Variants in METTL25 observed in about 807,000 individuals in gnomAD.
METTL25 encodes the protein probable methyltransferase-like protein 25.
In METTL25, 64 loss-of-function variants were observed where a neutral mutation model predicts 71.6. The observed-to-expected ratio is 0.89, with a 90% CI of 0.73 to 1.10. The LOEUF (loss-of-function observed/expected upper bound fraction) is 1.10, where lower values mean the gene tolerates loss of function less well. Ranked by LOEUF, METTL25 falls within the 50% of genes least tolerant of loss-of-function variation. The probability of loss-of-function intolerance (pLI) is 0.00; values close to 1 mark genes in which losing one functional copy is unlikely to be tolerated. For synonymous variants in METTL25, 287 were observed against 250.3 expected, an observed-to-expected ratio of 1.15 and a Z score of -1.38; for missense variants, 807 against 707.0, an observed-to-expected ratio of 1.14 and a Z score of -1.60.
At chr12:82,439,821 ATAT>A in intron 8 of METTL25, 5 of 950,016 alleles carry the variant, frequency 5.3e-6, no homozygotes, top group Non-Finnish European at 6.3e-6. Context: ...GTCAACTCAA[ATAT>A]TTACTACCTG....
intron 9 of METTL25, among the ~76,000 whole-genome samples, chr12:82,473,998 G>C (rs992678656): frequency 4.6e-5 from 7 of 152,166 alleles, no homozygotes; most frequent in Non-Finnish European, 1.0e-4. Flanking sequence ...CTGGTCTTAA[G>C]ATGGCTCTGT....
intron 7 of METTL25, chr12:82,438,503 T>G: frequency 2.9e-6 from 1 of 346,924 alleles, no homozygotes; most frequent in African/African-American, 2.1e-5. Context: ...ACTGTTTCTT[T>G]TATGGTTTCT....
intron 9 of METTL25, among the ~76,000 whole-genome samples, chr12:82,460,536 G>A (rs979926059): frequency 6.6e-6 from 1 of 152,152 alleles, no homozygotes; most frequent in African/African-American, 2.4e-5. Context: ...ATAAGGTGAG[G>A]AATATGTACT....
intron 1 of METTL25, among the ~76,000 whole-genome samples, chr12:82,383,345 T>C (rs1565813552): frequency 9.4e-5 from 2 of 21,316 alleles, no homozygotes; most frequent in Non-Finnish European, 4.2e-4. Flanking sequence ...CTGCTTGATT[T>C]TCTTTGTTTG....
chr12:82,453,843 G>C lies in METTL25; in HGVS notation c.1479-2884G>C, dbSNP rs576804812. Among the ~76,000 whole-genome samples, 43 of 152,024 alleles carry C rather than the reference G, an allele frequency of 2.8e-4. 1 individual carries two copies. Among genetic ancestry groups the C allele is most frequent in the South Asian group, 6.2e-4 (3 of 4,826 alleles). On this transcript the variant is annotated intron_variant, in intron 8 of 11. Transcript: ENST00000248306. ...ATTATTTATTTAATTCATTTATGGA[G>C]TTCCTGCTGTGTGAGGTACTATGCT...
intron 1 of METTL25, among the ~76,000 whole-genome samples, chr12:82,370,122 TA>T (rs1237749986): frequency 6.6e-6 from 1 of 152,030 alleles, no homozygotes; most frequent in Admixed American, 6.6e-5. Context: ...TCCTGCTGGA[TA>T]GGGGTGAAGA....
chr12:82,379,486 T>G (rs1884213370), intron 1 of METTL25, among the ~76,000 whole-genome samples: 1 of 149,420 alleles, frequency 6.7e-6, no homozygotes, highest in Non-Finnish European at 1.5e-5. Context: ...TAAATGAAGT[T>G]TAAAGTTTAT....
chr12:82,426,423 C>G (rs566688889), intron 5 of METTL25, among the ~76,000 whole-genome samples: 2 of 151,982 alleles, frequency 1.3e-5, no homozygotes, highest in Non-Finnish European at 1.5e-5. Flanking sequence ...AAACTGCAGT[C>G]GTATCTTAAA....
At chr12:82,428,139 C>T (rs564737065) in intron 5 of METTL25, among the ~76,000 whole-genome samples, 1 of 151,698 alleles carries the variant, frequency 6.6e-6, no homozygotes, top group South Asian at 2.1e-4. Flanking sequence ...AAAGAACATA[C>T]CCCCCCATCC....
chr12:82,444,416 G>A (rs978000597), intron 8 of METTL25, among the ~76,000 whole-genome samples: 5 of 152,098 alleles, frequency 3.3e-5, no homozygotes, highest in African/African-American at 9.7e-5. Flanking sequence ...TTCTTCAGTC[G>A]GAAAGAGAAG....
intron 3 of METTL25, among the ~76,000 whole-genome samples, chr12:82,393,775 T>C (rs1426374785): frequency 6.6e-6 from 1 of 151,966 alleles, no homozygotes. Flanking sequence ...TCTTTTCCTC[T>C]ATTAATTTTA....
chr12:82,457,098 A>C (rs922275445), intron 9 of METTL25, among the ~76,000 whole-genome samples: 1 of 152,024 alleles, frequency 6.6e-6, no homozygotes, highest in Non-Finnish European at 1.5e-5. Context: ...GCAGGACAAC[A>C]GTACAAGTGA....
At chr12:82,411,498 G>T (rs1314064046) in intron 5 of METTL25, among the ~76,000 whole-genome samples, 3 of 151,640 alleles carry the variant, frequency 2.0e-5, no homozygotes, top group Non-Finnish European at 4.4e-5. Flanking sequence ...ATAAAGTGGG[G>T]TATATAGCAA....
At chr12:82,386,758 A>G in intron 1 of METTL25, 45 bp from the exon 2 acceptor site, 1 of 1,466,132 alleles carries the variant, frequency 6.8e-7, no homozygotes, top group Non-Finnish European at 9.5e-7. Flanking sequence ...ACACTAATTA[A>G]CCATTAATTA....
At chr12:82,412,810 CCA>C (rs1243707221) in intron 5 of METTL25, among the ~76,000 whole-genome samples, 3 of 151,846 alleles carry the variant, frequency 2.0e-5, no homozygotes, top group Non-Finnish European at 4.4e-5. Context: ...CATAAAGGCT[CCA>C]GTTTCTCAGT....
At chr12:82,420,915 G>A (rs1243142650) in intron 5 of METTL25, among the ~76,000 whole-genome samples, 1 of 152,036 alleles carries the variant, frequency 6.6e-6, no homozygotes. Context: ...GAGTGCAGTG[G>A]TACAATCTCG....
At chr12:82,446,339 CA>C (rs1482159910) in intron 8 of METTL25, among the ~76,000 whole-genome samples, 2 of 152,132 alleles carry the variant, frequency 1.3e-5, no homozygotes, top group Non-Finnish European at 2.9e-5. Flanking sequence ...CTGACATTTA[CA>C]GGACATTTCA....
At chr12:82,443,219 A>G (rs1769103784) in intron 8 of METTL25, among the ~76,000 whole-genome samples, 2 of 152,170 alleles carry the variant, frequency 1.3e-5, no homozygotes, top group South Asian at 4.1e-4. Context: ...GTAAAAAGAA[A>G]AGTTCTAGAC....
chr12:82,452,183 A>T (rs1592747998), intron 8 of METTL25, among the ~76,000 whole-genome samples: 1 of 152,308 alleles, frequency 6.6e-6, no homozygotes, highest in East Asian at 1.9e-4. Flanking sequence ...GATTTTTGTG[A>T]ATTTTCTTTT....
Sources: gnomAD v4.1 joint callset for allele counts (sites outside exome capture counted in the v4.1 genomes callset) on GRCh38, gnomAD v4.1.1 for gene constraint, MANE v1.5 for transcripts, NCBI Gene and HGNC (gene_info 2026-07-23, HGNC 2026-07-21) for gene names.